KCTD8: variants seen among roughly 807,000 people sequenced by gnomAD.
KCTD8 encodes the protein potassium channel tetramerization domain containing 8.
Under a neutral mutation model 31.5 loss-of-function variants are expected in KCTD8, and 27 were observed. The ratio of observed to expected loss-of-function variants is 0.86; its 90% CI spans 0.63 to 1.18. The LOEUF is 1.18. Ranked by LOEUF, KCTD8 falls within the 50% of genes most tolerant of loss-of-function variation. The probability of loss-of-function intolerance (pLI) is 0.00; values close to 1 mark genes in which losing one functional copy is unlikely to be tolerated. For missense variants in KCTD8, 658 were observed against 647.7 expected, an observed-to-expected ratio of 1.02 and a Z score of -0.17; for synonymous variants, 290 against 280.0, an observed-to-expected ratio of 1.04 and a Z score of -0.36.
chr4:44,428,392 G>A lies in KCTD8; in HGVS notation c.961+19171C>T, dbSNP rs187225716. Among the ~76,000 whole-genome samples, 358 of 151,730 alleles carry A rather than the reference G, an allele frequency of 2.4e-3. 1 individual carries two copies. Among genetic ancestry groups the A allele is most frequent in the African/African-American group, 7.6e-3 (314 of 41,486 alleles). Reference sequence around the variant, plus strand: ...CCTTCATGGGGAAAAGAGAAGTGGCGTAGAAGTCAGGAGCCTAATTTTGCC... The same window carrying A: ...CCTTCATGGGGAAAAGAGAAGTGGCATAGAAGTCAGGAGCCTAATTTTGCC... On this transcript the variant is annotated intron_variant, in intron 1 of 1. Coordinates refer to ENST00000360029, the MANE Select transcript of KCTD8 (RefSeq NM_198353.3).
intron 1 of KCTD8, among the ~76,000 whole-genome samples, chr4:44,235,209 A>G (rs1437556971): frequency 7.7e-6 from 1 of 129,838 alleles, no homozygotes; most frequent in African/African-American, 2.8e-5. Context: ...TTTTTTTTTT[A>G]TAGACAATAG....
chr4:44,267,914 C>A (rs919703722), intron 1 of KCTD8, among the ~76,000 whole-genome samples: 6 of 152,076 alleles, frequency 3.9e-5, no homozygotes, highest in African/African-American at 1.4e-4. Flanking sequence ...GCTTACCAAC[C>A]AAAAAGAGTC....
intron 1 of KCTD8, among the ~76,000 whole-genome samples, chr4:44,345,794 T>C (rs966218201): frequency 1.3e-5 from 2 of 152,102 alleles, no homozygotes; most frequent in African/African-American, 4.8e-5. Context: ...TATTTTTGAG[T>C]ACAAGATTTT....
intron 1 of KCTD8, among the ~76,000 whole-genome samples, chr4:44,236,848 C>T (rs572697688): frequency 1.3e-5 from 2 of 152,192 alleles, no homozygotes; most frequent in South Asian, 2.1e-4. Context: ...ATCGTGGGGG[C>T]AGTTTCCCCC....
intron 1 of KCTD8, among the ~76,000 whole-genome samples, chr4:44,381,986 T>A (rs768737487): frequency 1.3e-5 from 2 of 152,080 alleles, no homozygotes; most frequent in Non-Finnish European, 2.9e-5. Context: ...AAGAAGGTCA[T>A]TGTATAATGA....
intron 1 of KCTD8, among the ~76,000 whole-genome samples, chr4:44,304,575 G>A (rs1022600146): frequency 9.2e-5 from 14 of 152,108 alleles, no homozygotes; most frequent in South Asian, 2.1e-4. Context: ...CCATTGATAC[G>A]TTTTTGTTGT....
intron 1 of KCTD8, among the ~76,000 whole-genome samples, chr4:44,235,804 A>G (rs1338659752): frequency 6.6e-6 from 1 of 151,896 alleles, no homozygotes; most frequent in East Asian, 1.9e-4. Flanking sequence ...TCCCCCAAAC[A>G]TACTACAAAA....
intron 1 of KCTD8, among the ~76,000 whole-genome samples, chr4:44,388,880 T>G (rs1257098600): frequency 6.6e-6 from 1 of 151,070 alleles, no homozygotes; most frequent in Non-Finnish European, 1.5e-5. Context: ...TAAATAGAAC[T>G]TAAACTCCCC....
At position 44,196,473 on chromosome 4, in the gene KCTD8, G is replaced by A. The variant is rs566170869; in HGVS notation, c.962-21223C>T. Among the ~76,000 whole-genome samples, 3 of 152,294 alleles carry A rather than the reference G, an allele frequency of 2.0e-5. No individual in the cohort carries two copies. The East Asian group carries it at 5.8e-4, about 29-fold the overall frequency. Reference sequence around the variant, plus strand: ...TTTAAAACCTTTCTTGGAGAAGGGGGTTCAAGATAGCAGACTGGAAGCAAC... The same window carrying A: ...TTTAAAACCTTTCTTGGAGAAGGGGATTCAAGATAGCAGACTGGAAGCAAC... On this transcript the variant is annotated intron_variant, in intron 1 of 1. Transcript: ENST00000360029.
chr4:44,444,426 T>C (rs958642904), intron 1 of KCTD8, among the ~76,000 whole-genome samples: 23 of 152,236 alleles, frequency 1.5e-4, no homozygotes, highest in Non-Finnish European at 3.1e-4. Context: ...TATGCTATCA[T>C]TTAATTGCAA....
At chr4:44,244,003 C>A (rs1161449772) in intron 1 of KCTD8, among the ~76,000 whole-genome samples, 1 of 152,186 alleles carries the variant, frequency 6.6e-6, no homozygotes, top group Non-Finnish European at 1.5e-5. Context: ...CTTTACTCCC[C>A]TCACCCACAT....
At chr4:44,305,269 T>C (rs1227203514) in intron 1 of KCTD8, among the ~76,000 whole-genome samples, 4 of 151,466 alleles carry the variant, frequency 2.6e-5, no homozygotes, top group African/African-American at 4.8e-5. Flanking sequence ...ATAAAAGTAA[T>C]TATAAATAAT....
At chr4:44,194,656 A>C (rs1446323140) in intron 1 of KCTD8, among the ~76,000 whole-genome samples, 1 of 152,150 alleles carries the variant, frequency 6.6e-6, no homozygotes, top group African/African-American at 2.4e-5. Flanking sequence ...CAGTGAAAGT[A>C]ATCGGGGTGC....
intron 1 of KCTD8, among the ~76,000 whole-genome samples, chr4:44,418,012 T>TTA (rs1265933127): frequency 2.0e-5 from 3 of 152,122 alleles, no homozygotes; most frequent in Non-Finnish European, 4.4e-5. Context: ...TCTTCAGTAA[T>TTA]CTCAATGTCT....
chr4:44,409,756 A>T (rs1208445580), intron 1 of KCTD8, among the ~76,000 whole-genome samples: 1 of 149,376 alleles, frequency 6.7e-6, no homozygotes, highest in Non-Finnish European at 1.5e-5. Context: ...AAACAACTGA[A>T]CAGCCCTCAT....
intron 1 of KCTD8, among the ~76,000 whole-genome samples, chr4:44,301,166 G>T (rs531012929): frequency 1.3e-5 from 2 of 152,084 alleles, no homozygotes; most frequent in East Asian, 3.9e-4. Flanking sequence ...GAATAATGCC[G>T]CAATAAACAT....
rs576273401 is a variant in KCTD8, at chr4:44,343,322, G to A, written c.961+104241C>T. On this transcript the variant is annotated intron_variant, in intron 1 of 1. Transcript: ENST00000360029. ...AGAAAGGGAGAAAGATGAGGGAAAG[G>A]TCAGTCAGTACAGCAGTTAGAATAC... 4.6e-5 allele frequency among the ~76,000 whole-genome samples: 7 copies of A among 152,296 alleles called. No individual in the cohort carries two copies. The East Asian group carries it at 1.4e-3, about 29-fold the overall frequency.
chr4:44,258,312 G>T (rs760627218), intron 1 of KCTD8, among the ~76,000 whole-genome samples: 6 of 151,860 alleles, frequency 4.0e-5, no homozygotes, highest in Admixed American at 6.6e-5. Context: ...GGTGATGGTT[G>T]CACAGCTCTG....
intron 1 of KCTD8, among the ~76,000 whole-genome samples, chr4:44,437,090 A>G (rs1373641836): frequency 2.0e-5 from 3 of 151,796 alleles, no homozygotes; most frequent in African/African-American, 7.3e-5. Flanking sequence ...AGAAACTTCA[A>G]GATTGGCCAT....
Sources: allele counts gnomAD v4.1 joint callset (sites outside exome capture counted in the v4.1 genomes callset), GRCh38; gene constraint gnomAD v4.1.1; transcripts MANE v1.5; gene names NCBI Gene and HGNC (gene_info 2026-07-23, HGNC 2026-07-21).